MAGI2: variants seen among roughly 807,000 people sequenced by gnomAD.
MAGI2 encodes the protein membrane associated guanylate kinase, WW and PDZ domain containing 2, also known as membrane-associated guanylate kinase, WW and PDZ domain-containing protein 2.
Under a neutral mutation model 133.3 loss-of-function variants are expected in MAGI2, and 35 were observed. That is an observed-to-expected ratio of 0.26 (90% confidence interval 0.20 to 0.35). The LOEUF (loss-of-function observed/expected upper bound fraction) is 0.35. MAGI2 is among the 10% of genes least tolerant of loss of function. MAGI2 has a pLI of 1.00. For missense variants in MAGI2, 1,636 were observed against 1,863.4 expected, an observed-to-expected ratio of 0.88 and a Z score of 2.25; for synonymous variants, 729 against 710.6, an observed-to-expected ratio of 1.03 and a Z score of -0.41.
intron 2 of MAGI2, among the ~76,000 whole-genome samples, chr7:78,751,628 T>C (rs1823469197): frequency 6.6e-6 from 1 of 152,222 alleles, no homozygotes; most frequent in East Asian, 1.9e-4. Context: ...AGTAATATAT[T>C]TTAACAGCAA....
chr7:78,340,823 ATT>A, intron 9 of MAGI2, among the ~76,000 whole-genome samples: 1 of 152,282 alleles, frequency 6.6e-6, no homozygotes, highest in East Asian at 1.9e-4. Context: ...AATAAGAGCT[ATT>A]TATGACAAAC....
intron 16 of MAGI2, among the ~76,000 whole-genome samples, chr7:78,151,497 G>A (rs900216697): frequency 4.6e-5 from 7 of 152,078 alleles, no homozygotes; most frequent in Non-Finnish European, 5.9e-5. Flanking sequence ...CTGGCCCTTC[G>A]GAGAACAAGG....
At chr7:78,744,455 T>C (rs1031001219) in intron 2 of MAGI2, among the ~76,000 whole-genome samples, 5 of 152,206 alleles carry the variant, frequency 3.3e-5, no homozygotes, top group African/African-American at 1.2e-4. Flanking sequence ...ATTCATCTTA[T>C]GGAATATGAA....
At chr7:78,675,519 T>C (rs1403402188) in intron 2 of MAGI2, among the ~76,000 whole-genome samples, 1 of 152,104 alleles carries the variant, frequency 6.6e-6, no homozygotes, top group East Asian at 1.9e-4. Context: ...GGATTGTTAC[T>C]GATAAATACA....
chr7:78,289,490 G>A, intron 9 of MAGI2, among the ~76,000 whole-genome samples: 1 of 152,146 alleles, frequency 6.6e-6, no homozygotes, highest in Admixed American at 6.5e-5. Context: ...GTACCTGAAG[G>A]TGACAGGGAG....
At chr7:78,670,005 C>G (rs1415615583) in intron 2 of MAGI2, among the ~76,000 whole-genome samples, 1 of 151,598 alleles carries the variant, frequency 6.6e-6, no homozygotes, top group African/African-American at 2.4e-5. Context: ...CCTTTGAAAA[C>G]TGGCAAAAGA....
At chr7:78,498,790 C>G (rs569983019) in intron 5 of MAGI2, among the ~76,000 whole-genome samples, 1 of 152,174 alleles carries the variant, frequency 6.6e-6, no homozygotes, top group African/African-American at 2.4e-5. Context: ...GCAGGGATGC[C>G]TCCAGTCTAT....
At chr7:78,117,660 A>G (rs1030757477) in intron 20 of MAGI2, among the ~76,000 whole-genome samples, 1 of 152,142 alleles carries the variant, frequency 6.6e-6, no homozygotes, top group Admixed American at 6.5e-5. Flanking sequence ...TCATACAGTA[A>G]GCCAAGCCAA....
chr7:78,472,426 T>C (rs1470397979), intron 6 of MAGI2, among the ~76,000 whole-genome samples: 1 of 151,690 alleles, frequency 6.6e-6, no homozygotes, highest in South Asian at 2.1e-4. Context: ...TAATATTTAC[T>C]AGATCAAGAA....
chr7:78,332,186 G>A (rs1789277260), intron 9 of MAGI2, among the ~76,000 whole-genome samples: 1 of 152,196 alleles, frequency 6.6e-6, no homozygotes, highest in African/African-American at 2.4e-5. Flanking sequence ...AAAGAGGACT[G>A]TGCAAGGCAA....
chr7:78,826,214 T>G (rs539740179), intron 2 of MAGI2, among the ~76,000 whole-genome samples: 2 of 150,706 alleles, frequency 1.3e-5, no homozygotes, highest in African/African-American at 4.9e-5. Context: ...ATTAGCCAGG[T>G]GTGGTGGCAG....
chr7:78,084,542 G>A (rs184567688), intron 20 of MAGI2, among the ~76,000 whole-genome samples: 2 of 152,206 alleles, frequency 1.3e-5, no homozygotes, highest in African/African-American at 2.4e-5. Context: ...ACTGCCTTAC[G>A]CAGTTCCATC....
intron 1 of MAGI2, among the ~76,000 whole-genome samples, chr7:79,330,524 AAGAG>A (rs1476474512): frequency 1.3e-5 from 2 of 152,006 alleles, no homozygotes; most frequent in African/African-American, 2.4e-5. Flanking sequence ...TCCTCCTTAA[AAGAG>A]AGAGTCACTT....
intron 6 of MAGI2, among the ~76,000 whole-genome samples, chr7:78,455,782 G>A (rs1789247834): frequency 6.6e-6 from 1 of 152,042 alleles, no homozygotes; most frequent in South Asian, 2.1e-4. Flanking sequence ...GGTGCTAAGT[G>A]CTCAAGAGTA....
At chr7:79,003,089 C>A (rs146721042) in intron 2 of MAGI2, among the ~76,000 whole-genome samples, 1 of 151,952 alleles carries the variant, frequency 6.6e-6, no homozygotes, top group Non-Finnish European at 1.5e-5. Context: ...CCCTGCTTAG[C>A]TCAGAAATCA....
intron 3 of MAGI2, among the ~76,000 whole-genome samples, chr7:78,585,583 C>T (rs964270816): frequency 1.5e-4 from 23 of 152,124 alleles, no homozygotes; most frequent in African/African-American, 4.8e-4. Context: ...GCTGAGAGAG[C>T]AGCACCTGTG....
At chr7:78,070,200 TATATATATATATATATATAC>T (rs1436387576) in intron 21 of MAGI2, among the ~76,000 whole-genome samples, 17 of 35,482 alleles carry the variant, frequency 4.8e-4, no homozygotes, top group African/African-American at 1.1e-3. Context: ...TATATATATA[TATATATATATATATATATAC>T]ACACACACAC....
In MAGI2 at chr7:78,182,762, A is replaced by T. The variant is rs1422900789; in HGVS notation, c.2311+2867T>A. On this transcript the variant is annotated intron_variant, in intron 13 of 21. Transcript: ENST00000354212. ...TGTTTATGACTTCAGATTTCTTTTGATCCTAAACAAGGAAAGATCTCCTTT... is the reference window on the plus strand; with the variant it reads ...TGTTTATGACTTCAGATTTCTTTTGTTCCTAAACAAGGAAAGATCTCCTTT... Among the ~76,000 whole-genome samples the T allele has an allele frequency of 2.0e-5, 3 of 152,032 alleles. No homozygotes were observed. The East Asian group carries it at 5.8e-4, about 29-fold the overall frequency.
At chr7:78,336,210 A>G (rs1394335977) in intron 9 of MAGI2, among the ~76,000 whole-genome samples, 1 of 152,208 alleles carries the variant, frequency 6.6e-6, no homozygotes, top group Non-Finnish European at 1.5e-5. Flanking sequence ...AAAAAAATAC[A>G]TATATATACA....
Sources: allele counts gnomAD v4.1 joint callset (sites outside exome capture counted in the v4.1 genomes callset), GRCh38; gene constraint gnomAD v4.1.1; transcripts MANE v1.5; gene names NCBI Gene and HGNC (gene_info 2026-07-23, HGNC 2026-07-21).